SPATA31E1: variants seen among roughly 807,000 people sequenced by gnomAD.
SPATA31E1 encodes the protein spermatogenesis-associated protein 31E1.
In SPATA31E1, 7 loss-of-function variants were observed where a neutral mutation model predicts 12.9. The observed-to-expected ratio is 0.54, with a 90% CI of 0.31 to 1.02. SPATA31E1 has a LOEUF of 1.02. SPATA31E1 is among the 50% of genes least tolerant of loss of function. The pLI is 0.05. For synonymous variants in SPATA31E1, 771 were observed against 719.0 expected, an observed-to-expected ratio of 1.07 and a Z score of -1.16; for missense variants, 1,961 against 1,799.8, an observed-to-expected ratio of 1.09 and a Z score of -1.62.
Position 87,887,200 on chromosome 9 carries a change from G to T in SPATA31E1, c.2713G>T (p.Asp905Tyr). 1.2e-6 allele frequency: 2 copies of T among 1,614,116 alleles called. No homozygotes were observed. Among genetic ancestry groups the T allele is most frequent in the Non-Finnish European group, 1.7e-6 (2 of 1,180,042 alleles). Residue 905 changes from aspartate to tyrosine, a missense_variant, in exon 4 of 4, where the codon GAC becomes TAC. Asp to Tyr is a radical substitution (Grantham distance 160). Coordinates refer to ENST00000325643, the MANE Select transcript of SPATA31E1 (RefSeq NM_178828.5). ...LGKRPQNGPG[D>Y]NRTTSKSVPT... ...AAAACGTCCTCAGAATGGTCCAGGA[G>T]ACAACAGAACAACAAGCAAGTCAGT...
At position 87,887,226 on chromosome 9, in the gene SPATA31E1, C is replaced by A; in HGVS notation, c.2739C>A (p.Val913=). The change falls in exon 4 of 4, where the codon GTC becomes GTA. Residue 913 remains valine, a synonymous_variant. Coordinates refer to ENST00000325643, the MANE Select transcript of SPATA31E1 (RefSeq NM_178828.5). Reference sequence around the variant, plus strand: ...ACAACAGAACAACAAGCAAGTCAGTCCCGACCGTGAGTGGCCCTCTCGCTG... The same window carrying A: ...ACAACAGAACAACAAGCAAGTCAGTACCGACCGTGAGTGGCCCTCTCGCTG... ...PGDNRTTSKS[V]PTVSGPLAAP... 1 of 1,614,054 alleles carries A rather than the reference C, an allele frequency of 6.2e-7. No homozygotes were observed. Among genetic ancestry groups the A allele is most frequent in the Non-Finnish European group, 8.5e-7 (1 of 1,180,012 alleles).
In SPATA31E1 at chr9:87,888,849, C is replaced by A. The variant is rs1330349246; in HGVS notation, c.*24C>A. 2 of 1,561,218 alleles carry A rather than the reference C, an allele frequency of 1.3e-6. No homozygotes were observed. Among genetic ancestry groups the A allele is most frequent in the Non-Finnish European group, 1.7e-6 (2 of 1,157,098 alleles). ...GAACTAGACCAGTCTTCTTGCATGTCTCCTGGGGGAGACAGGGGGTTCTAC... is the reference window on the plus strand; with the variant it reads ...GAACTAGACCAGTCTTCTTGCATGTATCCTGGGGGAGACAGGGGGTTCTAC... On this transcript the variant is annotated 3_prime_UTR_variant, in exon 4 of 4. Coordinates refer to ENST00000325643, the MANE Select transcript of SPATA31E1 (RefSeq NM_178828.5).
At position 87,888,128 on chromosome 9, in the gene SPATA31E1, A is replaced by G; in HGVS notation, c.3641A>G (p.Glu1214Gly). 1 of 1,608,256 alleles carries G rather than the reference A, an allele frequency of 6.2e-7. No individual in the cohort carries two copies. Among genetic ancestry groups the G allele is most frequent in the Non-Finnish European group, 8.5e-7 (1 of 1,177,290 alleles). The change falls in exon 4 of 4, where the codon GAG (glutamate) becomes GGG (glycine). Residue 1214 changes from glutamate (E) to glycine (G), a missense_variant. Glu to Gly is a moderately conservative substitution (Grantham distance 98). Coordinates refer to ENST00000325643, the MANE Select transcript of SPATA31E1 (RefSeq NM_178828.5). ...GEAHRRPRTGEQGHRSKGPRT... is the reference protein window; with the variant it reads ...GEAHRRPRTGGQGHRSKGPRT... Reference sequence around the variant, plus strand: ...GCCCACAGGAGGCCCAGAACAGGGGAGCAGGGACACAGGTCCAAGGGACCC... The same window carrying G: ...GCCCACAGGAGGCCCAGAACAGGGGGGCAGGGACACAGGTCCAAGGGACCC...
At chr9:87,884,389 C>A (rs940230515) in intron 2 of SPATA31E1, among the ~76,000 whole-genome samples, 1 of 152,232 alleles carries the variant, frequency 6.6e-6, no homozygotes, top group Admixed American at 6.5e-5. Flanking sequence ...AGGGGGTGGA[C>A]GTGGAAGCAC....
At position 87,884,014 on chromosome 9, in the gene SPATA31E1, G is replaced by T; in HGVS notation, c.332G>T (p.Arg111Met). The T allele has an allele frequency of 6.2e-7, 1 of 1,607,658 alleles. No individual in the cohort carries two copies. Residue 111 changes from arginine to methionine, a missense_variant, in exon 2 of 4, where the codon AGG (arginine) becomes ATG (methionine). Arg to Met is a moderately conservative substitution (Grantham distance 91, BLOSUM62 -1). Transcript: ENST00000325643. ...CAGCCTCAAAGGGAGAGAAGCGGGA[G>T]GTCCAGGAGCAGGAAGATCTCAGCT... ...SREPQRERSG[R>M]SRSRKISALK...
rs776254782 is a variant in SPATA31E1, at chr9:87,886,719, G to A, written c.2232G>A (p.Trp744Ter). Reference protein sequence around the residue: ...KEAEGDLRRSWKYQSVSSTPR... With the variant: ...KEAEGDLRRS Reference sequence around the variant, plus strand: ...CAGAAGGTGACTTACGGAGGTCCTGGAAGTACCAATCAGTAAGTTCCACAC... The same window carrying A: ...CAGAAGGTGACTTACGGAGGTCCTGAAAGTACCAATCAGTAAGTTCCACAC... The change falls in exon 4 of 4, where the codon TGG (tryptophan) becomes TGA (stop). Residue 744 changes from tryptophan (W) to a stop codon, truncating the protein, a stop_gained. Transcript: ENST00000325643. LOFTEE classifies it low-confidence loss of function (END_TRUNC). 1 of 1,613,982 alleles carries A rather than the reference G, an allele frequency of 6.2e-7. No individual in the cohort carries two copies. Among genetic ancestry groups the A allele is most frequent in the South Asian group, 1.1e-5 (1 of 91,092 alleles).
Position 87,885,319 on chromosome 9 carries a change from A to C in SPATA31E1, c.832A>C (p.Ser278Arg). 6.2e-7 allele frequency: 1 copy of C among 1,613,750 alleles called. No homozygotes were observed. The highest frequency in any genetic ancestry group is 8.5e-7 in the Non-Finnish European group (1 of 1,179,886). ...CGSTTCPVPQ[S>R]SPLHNQVLPP... is the part of the protein sequence containing the mutation. ...CTCCACAACATGCCCCGTCCCCCAG[A>C]GCTCCCCTCTACACAACCAGGTGCT... Residue 278 changes from serine to arginine, a missense_variant, in exon 4 of 4, where the codon AGC becomes CGC. Transcript: ENST00000325643.
At position 87,888,364 on chromosome 9, in the gene SPATA31E1, G is replaced by A. The variant is rs1828326983; in HGVS notation, c.3877G>A (p.Gly1293Arg). The A allele has an allele frequency of 1.2e-6, 2 of 1,614,072 alleles. No homozygotes were observed. Among genetic ancestry groups the A allele is most frequent in the African/African-American group, 1.3e-5 (1 of 74,936 alleles). ...WEDVLQKGKP[G>R]ADAFQSWGSG... ...AGATGTCCTGCAGAAAGGCAAGCCT[G>A]GGGCAGATGCTTTCCAGAGCTGGGG... The change falls in exon 4 of 4, where the codon GGG becomes AGG. Residue 1293 changes from glycine (G) to arginine (R), a missense_variant. Coordinates refer to ENST00000325643, the MANE Select transcript of SPATA31E1 (RefSeq NM_178828.5).
In SPATA31E1 at chr9:87,885,014, C is replaced by T. The variant is rs577973609; in HGVS notation, c.527C>T (p.Pro176Leu). Residue 176 changes from proline to leucine, a missense_variant, in exon 4 of 4, where the codon CCG becomes CTG. By Grantham distance (98) the Pro-to-Leu change is moderately conservative. Coordinates refer to ENST00000325643, the MANE Select transcript of SPATA31E1 (RefSeq NM_178828.5). ...CCAGTGCCTGCTAAGGCCCACCAGC[C>T]GCATGGGAAATGCATGCAAGATCCG... ...CKPVPAKAHQ[P>L]HGKCMQDPSP... 3.3e-5 allele frequency: 54 copies of T among 1,614,130 alleles called. No individual in the cohort carries two copies. The South Asian group carries it at 5.2e-4, about 15-fold the overall frequency.
At position 87,888,146 on chromosome 9, in the gene SPATA31E1, A is replaced by G. The variant is rs1276797167; in HGVS notation, c.3659A>G (p.Lys1220Arg). 6.2e-7 allele frequency: 1 copy of G among 1,611,150 alleles called. No homozygotes were observed. Among genetic ancestry groups the G allele is most frequent in the African/African-American group, 1.3e-5 (1 of 74,986 alleles). ...PRTGEQGHRSKGPRTSEASGR... is the reference protein window; with the variant it reads ...PRTGEQGHRSRGPRTSEASGR... The stretch of plus-strand genomic sequence containing the variant: ...ACAGGGGAGCAGGGACACAGGTCCA[A>G]GGGACCCAGGACCTCTGAAGCCAGT... The change falls in exon 4 of 4, where the codon AAG (lysine) becomes AGG (arginine). Residue 1220 changes from lysine to arginine, a missense_variant. Transcript: ENST00000325643.
rs781561456 is a variant in SPATA31E1, at chr9:87,888,872, T to A, written c.*47T>A. The A allele has an allele frequency of 6.6e-7, 1 of 1,508,142 alleles. No individual in the cohort carries two copies. Among genetic ancestry groups the A allele is most frequent in the South Asian group, 1.3e-5 (1 of 77,386 alleles). The allele number at this position is 1,508,142 out of a possible 1,614,324, so 93.4% of individuals were successfully genotyped here. Reference sequence around the variant, plus strand: ...GTCTCCTGGGGGAGACAGGGGGTTCTACTCAAATAAAACTGATGCCTACAC... The same window carrying A: ...GTCTCCTGGGGGAGACAGGGGGTTCAACTCAAATAAAACTGATGCCTACAC... On this transcript the variant is annotated 3_prime_UTR_variant, in exon 4 of 4. Transcript: ENST00000325643.
rs751051703 is a variant in SPATA31E1 at position 87,883,129 on chromosome 9, T to C, written c.238T>C (p.Phe80Leu). ...CAGTGTGTGTGGCCTAGTGCTCCTC[T>C]TCCTATTGCTCCTCTACGTCCACAG... ...LTSVCGLVLLFLLLLYVHSDP... is the reference protein window; with the variant it reads ...LTSVCGLVLLLLLLLYVHSDP... Residue 80 changes from phenylalanine to leucine, a missense_variant, in exon 1 of 4, where the codon TTC becomes CTC. Physicochemically the swap from Phe to Leu is conservative, Grantham distance 22. Transcript: ENST00000325643. 1 of 1,601,274 alleles carries C rather than the reference T, an allele frequency of 6.2e-7. No individual in the cohort carries two copies. Among genetic ancestry groups the C allele is most frequent in the Admixed American group, 1.7e-5 (1 of 58,676 alleles).
In SPATA31E1 at chr9:87,885,737, C is replaced by A; in HGVS notation, c.1250C>A (p.Pro417His). 2 of 1,613,952 alleles carry A rather than the reference C, an allele frequency of 1.2e-6. No homozygotes were observed. Among genetic ancestry groups the A allele is most frequent in the Non-Finnish European group, 1.7e-6 (2 of 1,180,042 alleles). Residue 417 changes from proline (P) to histidine (H), a missense_variant, in exon 4 of 4, where the codon CCC (proline) becomes CAC (histidine). Transcript: ENST00000325643. ...GTGTCAACCCAGCCACAGCAGCTGC[C>A]CCGTCCTCAGCAAGTCTCTGATGCC... Reference protein sequence around the residue: ...WNVSTQPQQLPRPQQVSDATT... With the variant: ...WNVSTQPQQLHRPQQVSDATT...
Position 87,885,554 on chromosome 9 carries a change from T to G in SPATA31E1, c.1067T>G (p.Phe356Cys), listed in dbSNP as rs372761849. Residue 356 changes from phenylalanine (F) to cysteine (C), a missense_variant, in exon 4 of 4, where the codon TTC (phenylalanine) becomes TGC (cysteine). By Grantham distance (205) the Phe-to-Cys change is radical. Coordinates refer to ENST00000325643, the MANE Select transcript of SPATA31E1 (RefSeq NM_178828.5). ...CACATGGAGGTAGGTGGCTGCACAT[T>G]CATCCACCCTGACGTGCAGAAGCTG... ...PKHMEVGGCT[F>C]IHPDVQKLLE... 6.2e-7 allele frequency: 1 copy of G among 1,614,130 alleles called. No homozygotes were observed. Among genetic ancestry groups the G allele is most frequent in the Non-Finnish European group, 8.5e-7 (1 of 1,180,016 alleles).
In SPATA31E1 at chr9:87,884,973, G is replaced by A. The variant is rs748019873; in HGVS notation, c.486G>A (p.Leu162=). Residue 162 remains leucine (L), a synonymous_variant, in exon 4 of 4, where the codon CTG becomes CTA. Coordinates refer to ENST00000325643, the MANE Select transcript of SPATA31E1 (RefSeq NM_178828.5). Reference sequence around the variant, plus strand: ...ACCTGCCCTTAGGTGGAGACCCCCTGGGGGACGTGTGTAAACCAGTGCCTG... The same window carrying A: ...ACCTGCCCTTAGGTGGAGACCCCCTAGGGGACGTGTGTAAACCAGTGCCTG... ...SSHLPLGGDP[L]GDVCKPVPAK... 2.5e-6 allele frequency: 4 copies of A among 1,613,924 alleles called. No homozygotes were observed. Among genetic ancestry groups the A allele is most frequent in the African/African-American group, 1.3e-5 (1 of 74,902 alleles).
chr9:87,886,559 T>A lies in SPATA31E1; in HGVS notation c.2072T>A (p.Val691Glu), dbSNP rs1402445025. 6.2e-7 allele frequency: 1 copy of A among 1,613,962 alleles called. No homozygotes were observed. Among genetic ancestry groups the A allele is most frequent in the Non-Finnish European group, 8.5e-7 (1 of 1,179,982 alleles). ...TTTGCAGGGAAGGGCAGGAAGGATG[T>A]GCAGAAGACCGGGTTCAGGAGCTCC... ...SDFAGKGRKD[V>E]QKTGFRSSGR... The change falls in exon 4 of 4, where the codon GTG (valine) becomes GAG (glutamate). Residue 691 changes from valine to glutamate, a missense_variant. By Grantham distance (121) the Val-to-Glu change is moderately radical. Coordinates refer to ENST00000325643, the MANE Select transcript of SPATA31E1 (RefSeq NM_178828.5).
At chr9:87,884,484 T>C in intron 2 of SPATA31E1, 107 bp from the exon 3 acceptor site, 1 of 1,179,170 alleles carries the variant, frequency 8.5e-7, no homozygotes, top group Non-Finnish European at 1.3e-6. Flanking sequence ...ATGCGAGGGC[T>C]TCAGGGTCTA....
At position 87,885,519 on chromosome 9, in the gene SPATA31E1, C is replaced by T. The variant is rs530894961; in HGVS notation, c.1032C>T (p.Pro344=). The T allele has an allele frequency of 6.2e-6, 10 of 1,614,170 alleles. No homozygotes were observed. The highest frequency in any genetic ancestry group is 3.3e-5 in the South Asian group (3 of 91,082). ...HTSEASFWGD[P]TPKHMEVGGC... ...CAGAGGCTTCCTTCTGGGGAGACCC[C>T]ACACCCAAGCACATGGAGGTAGGTG... The change falls in exon 4 of 4, where the codon CCC becomes CCT. Residue 344 remains proline (P), a synonymous_variant. Coordinates refer to ENST00000325643, the MANE Select transcript of SPATA31E1 (RefSeq NM_178828.5).
Position 87,886,971 on chromosome 9 carries a change from T to G in SPATA31E1, c.2484T>G (p.His828Gln). The change falls in exon 4 of 4, where the codon CAT becomes CAG. Residue 828 changes from histidine (H) to glutamine (Q), a missense_variant. By Grantham distance (24) the His-to-Gln change is conservative. Transcript: ENST00000325643. ...CCTCCCAGGAGCTTTCCTTCCTCCA[T>G]CCCTGCACCCAGCAGATACTGGAAG... ...VNTSQELSFL[H>Q]PCTQQILEVH... The G allele has an allele frequency of 1.2e-6, 2 of 1,614,040 alleles. No individual in the cohort carries two copies. Among genetic ancestry groups the G allele is most frequent in the Non-Finnish European group, 1.7e-6 (2 of 1,180,016 alleles).
Sources: gnomAD v4.1 joint callset for allele counts (sites outside exome capture counted in the v4.1 genomes callset) on GRCh38, gnomAD v4.1.1 for gene constraint, MANE v1.5 for transcripts, NCBI Gene and HGNC (gene_info 2026-07-23, HGNC 2026-07-21) for gene names.